Variants in UGP2 observed in about 807,000 individuals in gnomAD.
UGP2 encodes UDP-glucose pyrophosphorylase 2, also known as UTP--glucose-1-phosphate uridylyltransferase.
In UGP2, 40 loss-of-function variants were observed where a neutral mutation model predicts 49.0. The observed-to-expected ratio is 0.82, with a 90% confidence interval of 0.63 to 1.06. The LOEUF (loss-of-function observed/expected upper bound fraction) is 1.06. Ranked by LOEUF, UGP2 falls within the 50% of genes least tolerant of loss-of-function variation. The probability of loss-of-function intolerance (pLI) is 0.00; values close to 1 mark genes in which losing one functional copy is unlikely to be tolerated. For synonymous variants in UGP2, 225 were observed against 213.0 expected, an observed-to-expected ratio of 1.06 and a Z score of -0.49; for missense variants, 460 against 603.5, an observed-to-expected ratio of 0.76 and a Z score of 2.49.
At chr2:63,879,524 T>G (rs1455911127) in intron 3 of UGP2, among the ~76,000 whole-genome samples, 1 of 152,210 alleles carries the variant, frequency 6.6e-6, no homozygotes, top group Admixed American at 6.5e-5. Flanking sequence ...CCTGATATTG[T>G]AATGACAAGA....
chr2:63,869,416 C>CT (rs1241588708), intron 3 of UGP2, among the ~76,000 whole-genome samples: 1 of 152,048 alleles, frequency 6.6e-6, no homozygotes, highest in Non-Finnish European at 1.5e-5. Context: ...GCAGGTTGAT[C>CT]TTTTTTCCAT....
intron 1 of UGP2, among the ~76,000 whole-genome samples, chr2:63,851,115 T>A (rs1669015120): frequency 6.6e-6 from 1 of 152,186 alleles, no homozygotes; most frequent in African/African-American, 2.4e-5. Flanking sequence ...TTTAGAAAGA[T>A]TTCTAGGAGG....
intron 3 of UGP2, among the ~76,000 whole-genome samples, chr2:63,860,486 T>A (rs1669760828): frequency 1.3e-5 from 2 of 152,260 alleles, no homozygotes; most frequent in Admixed American, 6.5e-5. Context: ...CATTTTAGTG[T>A]ATGTATTTTC....
upstream of UGP2, among the ~76,000 whole-genome samples, chr2:63,841,519 C>T (rs916563552): frequency 1.2e-4 from 19 of 152,134 alleles, no homozygotes; most frequent in Middle Eastern, 3.2e-3. Context: ...AAAGCTGCGG[C>T]CGGGTTTCAC....
Position 63,885,635 on chromosome 2 carries a change from G to C in UGP2, c.622G>C (p.Val208Leu), listed in dbSNP as rs1671623197. 1 of 1,595,212 alleles carries C rather than the reference G, an allele frequency of 6.3e-7. No individual in the cohort carries two copies. Among genetic ancestry groups the C allele is most frequent in the African/African-American group, 1.4e-5 (1 of 73,338 alleles). Residue 208 changes from valine (V) to leucine (L), a missense_variant, in exon 6 of 10, where the codon GTG (valine) becomes CTG (leucine). By Grantham distance (32) the Val-to-Leu change is conservative (BLOSUM62 1). Around this residue, in one of 2 missense-constraint regions of UGP2, gnomAD observed 317 missense variants for 473.0 expected, o/e 0.67. Coordinates refer to ENST00000337130, the MANE Select transcript of UGP2 (RefSeq NM_006759.4). Reference sequence around the variant, plus strand: ...ATCTTTACTTCCTGTAGCAAAGGACGTGTCTTACTCAGGGGAAAATACAGA... The same window carrying C: ...ATCTTTACTTCCTGTAGCAAAGGACCTGTCTTACTCAGGGGAAAATACAGA... Reference protein sequence around the residue: ...KESLLPVAKDVSYSGENTEAW... With the variant: ...KESLLPVAKDLSYSGENTEAW...
chr2:63,889,936 C>G, intron 8 of UGP2, 145 bp from the exon 9 acceptor site: 1 of 630,636 alleles, frequency 1.6e-6, no homozygotes, highest in Admixed American at 3.2e-5. Context: ...ATAATGAGTG[C>G]TTAATAAGTA....
chr2:63,844,247 A>G (rs1467638965), intron 1 of UGP2, among the ~76,000 whole-genome samples: 1 of 152,184 alleles, frequency 6.6e-6, no homozygotes, highest in Non-Finnish European at 1.5e-5. Context: ...CTAATTGGCA[A>G]ATGACACAGC....
intron 1 of UGP2, among the ~76,000 whole-genome samples, chr2:63,852,755 A>G (rs774633688): frequency 3.4e-4 from 51 of 152,228 alleles, no homozygotes; most frequent in East Asian, 3.8e-4. Flanking sequence ...AATTACAGCA[A>G]TCATTTAAGA....
intron 1 of UGP2, 172 bp from the exon 2 acceptor site, chr2:63,856,134 G>A (rs1669401181): frequency 1.5e-6 from 1 of 666,770 alleles, no homozygotes; most frequent in Admixed American, 3.4e-5. Context: ...TATGAAACTG[G>A]AGTGAAACGA....
chr2:63,887,264 CAAAA>C (rs371097150), intron 7 of UGP2, 134 bp from the exon 8 acceptor site: 126 of 862,432 alleles, frequency 1.5e-4, no homozygotes, highest in South Asian at 1.1e-3. Flanking sequence ...GACTCCTTCT[CAAAA>C]AAAAAAAAAA....
chr2:63,889,991 A>G, intron 8 of UGP2, 90 bp from the exon 9 acceptor site: 1 of 1,003,706 alleles, frequency 1.0e-6, no homozygotes, highest in Non-Finnish European at 1.5e-6. Flanking sequence ...AAAGGTTTCT[A>G]CAGTTCAGTT....
rs1558927229 is a variant in UGP2 at position 63,842,177 on chromosome 2, GC to G, written c.-5del. 6.3e-7 allele frequency: 1 copy of G among 1,586,450 alleles called. No homozygotes were observed. Among genetic ancestry groups the G allele is most frequent in the East Asian group, 2.2e-5 (1 of 44,750 alleles). On this transcript the variant is annotated 5_prime_UTR_variant, in exon 1 of 10. Transcript: ENST00000337130. ...AAAAAAAGCCGGAGTATTTTACTAA[GC>G]CCCTAAAATGTCGAGATTTGTACAA... is the stretch of plus-strand genomic sequence containing the variant.
Position 63,857,861 on chromosome 2 carries a change from G to A in UGP2, c.180G>A (p.Lys60=), listed in dbSNP as rs1669552985. Reference sequence around the variant, plus strand: ...AAAAAGACCTGGATGGATTTCGGAAGCTATTTCATAGATTTTTGCAAGAAA... The same window carrying A: ...AAAAAGACCTGGATGGATTTCGGAAACTATTTCATAGATTTTTGCAAGAAA... ...HTKKDLDGFR[K]LFHRFLQEKG... is the part of the protein sequence containing the mutation. The change falls in exon 3 of 10, where the codon AAG becomes AAA. Residue 60 remains lysine (K), a synonymous_variant. Transcript: ENST00000337130. 1.2e-6 allele frequency: 2 copies of A among 1,614,118 alleles called. No individual in the cohort carries two copies. The highest frequency in any genetic ancestry group is 8.5e-7 in the Non-Finnish European group (1 of 1,179,978).
At position 63,842,190 on chromosome 2, in the gene UGP2, C is replaced by A; in HGVS notation, c.5C>A (p.Ser2Ter). 1 of 1,593,690 alleles carries A rather than the reference C, an allele frequency of 6.3e-7. No homozygotes were observed. Among genetic ancestry groups the A allele is most frequent in the African/African-American group, 1.4e-5 (1 of 72,914 alleles). The change falls in exon 1 of 10, where the codon TCG becomes TAG. Residue 2 changes from serine to a stop codon, truncating the protein, a stop_gained. Transcript: ENST00000337130. LOFTEE classifies it high-confidence loss of function. ...GTATTTTACTAAGCCCCTAAAATGTCGAGATTTGTACAAGGTAAGAAATGC... is the reference window on the plus strand; with the variant it reads ...GTATTTTACTAAGCCCCTAAAATGTAGAGATTTGTACAAGGTAAGAAATGC... M[S>*]RFVQDLSKAM...
Position 63,858,935 on chromosome 2 carries a change from A to C in UGP2, c.255+999A>C, listed in dbSNP as rs143611250. 9.7e-3 allele frequency among the ~76,000 whole-genome samples: 1,265 copies of C among 129,782 alleles called. 11 individuals carry two copies. In the Middle Eastern group the frequency reaches 0.14, roughly 14 times the overall value. 85.1% of individuals were successfully genotyped at this position (129,782 alleles called of 152,430 possible). ...TTTTGCTTAGGAATTACCCTAATTT[A>C]AGTAACCTCACTTATATAATTTATG... On this transcript the variant is annotated intron_variant, in intron 3 of 9. Transcript: ENST00000337130.
chr2:63,860,471 G>A (rs1273189809), intron 3 of UGP2, among the ~76,000 whole-genome samples: 1 of 152,154 alleles, frequency 6.6e-6, no homozygotes, highest in Non-Finnish European at 1.5e-5. Flanking sequence ...CCTATTTACT[G>A]ACCCCATTTT....
intron 3 of UGP2, among the ~76,000 whole-genome samples, chr2:63,880,322 C>T (rs913725513): frequency 2.0e-5 from 3 of 152,026 alleles, no homozygotes; most frequent in Non-Finnish European, 4.4e-5. Context: ...TACAGGCATG[C>T]ACCACCATGC....
At chr2:63,845,321 A>G (rs150601912) in intron 1 of UGP2, among the ~76,000 whole-genome samples, 4 of 152,290 alleles carry the variant, frequency 2.6e-5, no homozygotes, top group Non-Finnish European at 4.4e-5. Context: ...GAGATGAACT[A>G]TGTGGATGTG....
chr2:63,857,507 C>A, intron 2 of UGP2: 1 of 428,914 alleles, frequency 2.3e-6, no homozygotes, highest in Admixed American at 2.5e-5. Flanking sequence ...AGACTACAGG[C>A]ACACACCACC....
Sources: gnomAD v4.1 joint callset for allele counts (sites outside exome capture counted in the v4.1 genomes callset) on GRCh38, gnomAD v4.1.1 for gene constraint, gnomAD v4.1.1 regional missense constraint, MANE v1.5 for transcripts, NCBI Gene and HGNC (gene_info 2026-07-23, HGNC 2026-07-21) for gene names.